CCDC102B: variants seen among roughly 807,000 people sequenced by gnomAD.
CCDC102B encodes coiled-coil domain containing 102B.
Under a neutral mutation model 57.4 loss-of-function variants are expected in CCDC102B, and 75 were observed. The observed-to-expected ratio is 1.31, with a 90% CI of 1.08 to 1.58. The LOEUF (loss-of-function observed/expected upper bound fraction) is 1.58. Among genes scored for constraint, CCDC102B ranks in the 40% most tolerant of loss-of-function variants. The pLI is 0.00. For missense variants in CCDC102B, 636 were observed against 582.6 expected (o/e 1.09, Z -0.94); for synonymous variants, 206 against 201.9 (o/e 1.02, Z -0.17).
chr18:69,004,180 G>A (rs146276881), intron 6 of CCDC102B, among the ~76,000 whole-genome samples: 101 of 152,246 alleles, frequency 6.6e-4, no homozygotes, highest in African/African-American at 2.4e-3. Context: ...GACAGCCAGG[G>A]ACACCAGATG....
In CCDC102B at chr18:69,010,939, A is replaced by T. The variant is rs758366864; in HGVS notation, c.1269A>T (p.Leu423Phe). 6.3e-7 allele frequency: 1 copy of T among 1,587,910 alleles called. No homozygotes were observed. The highest frequency in any genetic ancestry group is 8.6e-7 in the Non-Finnish European group (1 of 1,166,138). Residue 423 changes from leucine (L) to phenylalanine (F), a missense_variant, in exon 7 of 8, where the codon TTA (leucine) becomes TTT (phenylalanine). Transcript: ENST00000360242. ...QIDLQEKNQE[L>F]LNLQHAYYKL... ...TTTTTGTTTTCCTTTGAAAGGAATT[A>T]CTGAACCTTCAACATGCCTACTATA... is the stretch of plus-strand genomic sequence containing the variant.
At chr18:68,811,995 G>A (rs2036283917) in intron 1 of CCDC102B, among the ~76,000 whole-genome samples, 6 of 152,154 alleles carry the variant, frequency 3.9e-5, no homozygotes. Context: ...AAAAGTATAA[G>A]ATTCTCCTAC....
chr18:68,804,196 G>A (rs1348137911), intron 1 of CCDC102B, among the ~76,000 whole-genome samples: 1 of 152,178 alleles, frequency 6.6e-6, no homozygotes, highest in Non-Finnish European at 1.5e-5. Flanking sequence ...AGGAATCAAG[G>A]GTAACCCCTA....
intron 7 of CCDC102B, among the ~76,000 whole-genome samples, chr18:69,043,438 T>G (rs1010689954): frequency 1.3e-5 from 2 of 151,982 alleles, no homozygotes; most frequent in African/African-American, 4.8e-5. Context: ...GTCTTTCCCT[T>G]CCCACGAGAC....
intron 5 of CCDC102B, 87 bp downstream of exon 5, chr18:68,874,872 C>T (rs1423499291): frequency 1.0e-5 from 8 of 793,168 alleles, no homozygotes; most frequent in East Asian, 2.5e-5. Flanking sequence ...GGGTAACGGT[C>T]GTGCCTTTGG....
At chr18:69,000,395 A>T (rs1381003256) in intron 6 of CCDC102B, among the ~76,000 whole-genome samples, 1 of 152,160 alleles carries the variant, frequency 6.6e-6, no homozygotes, top group Non-Finnish European at 1.5e-5. Context: ...GTAAAACTAG[A>T]TCTGCATTTG....
intron 4 of CCDC102B, among the ~76,000 whole-genome samples, chr18:68,869,910 G>A (rs535372102): frequency 9.9e-5 from 15 of 152,180 alleles, no homozygotes; most frequent in African/African-American, 3.4e-4. Flanking sequence ...TAAGGTGTAA[G>A]GAAAGGGTCC....
intron 6 of CCDC102B, among the ~76,000 whole-genome samples, chr18:68,971,654 A>C (rs1483141159): frequency 6.6e-6 from 1 of 152,176 alleles, no homozygotes; most frequent in Non-Finnish European, 1.5e-5. Flanking sequence ...AAATGCACAG[A>C]GAAAATTGTG....
At chr18:69,014,974 A>AGTGTGT (rs1189382089) in intron 7 of CCDC102B, among the ~76,000 whole-genome samples, 63 of 116,708 alleles carry the variant, frequency 5.4e-4, no homozygotes, top group African/African-American at 1.7e-3. Context: ...AGAGAGAGAG[A>AGTGTGT]GAGAGTGTGT....
intron 5 of CCDC102B, among the ~76,000 whole-genome samples, chr18:68,892,136 T>C (rs1433374774): frequency 6.6e-6 from 1 of 152,206 alleles, no homozygotes; most frequent in East Asian, 1.9e-4. Flanking sequence ...ATAATTCCCT[T>C]AATATCAACT....
intron 6 of CCDC102B, among the ~76,000 whole-genome samples, chr18:68,901,702 T>C (rs890199901): frequency 1.3e-5 from 2 of 152,214 alleles, no homozygotes; most frequent in Non-Finnish European, 2.9e-5. Context: ...AGAGTGCCCC[T>C]ATCTTTCCAG....
intron 7 of CCDC102B, among the ~76,000 whole-genome samples, chr18:69,043,023 T>A (rs2052470351): frequency 6.6e-6 from 1 of 152,042 alleles, no homozygotes; most frequent in Non-Finnish European, 1.5e-5. Flanking sequence ...CCCTTAGTAT[T>A]TATTGATCAT....
At chr18:69,056,914 C>T (rs779450947), downstream of CCDC102B, among the ~76,000 whole-genome samples, 1 of 151,974 alleles carries the variant, frequency 6.6e-6, no homozygotes, top group Non-Finnish European at 1.5e-5. Flanking sequence ...CCCCATCTTT[C>T]CTCTTCTCAG....
chr18:68,879,375 G>T (rs888116393), intron 5 of CCDC102B, among the ~76,000 whole-genome samples: 1 of 152,086 alleles, frequency 6.6e-6, no homozygotes, highest in African/African-American at 2.4e-5. Flanking sequence ...AAGGGGACTC[G>T]AGCGGGTTGC....
intron 2 of CCDC102B, among the ~76,000 whole-genome samples, chr18:68,728,193 A>G (rs369948298): frequency 6.6e-6 from 1 of 152,178 alleles, no homozygotes; most frequent in East Asian, 1.9e-4. Flanking sequence ...CAAATTTCTT[A>G]TAAAAATAGA....
intron 5 of CCDC102B, among the ~76,000 whole-genome samples, chr18:68,878,543 A>G (rs1279263108): frequency 6.6e-6 from 1 of 152,098 alleles, no homozygotes. Context: ...TATGAGGGCA[A>G]TTAGAATTAG....
intron 7 of CCDC102B, among the ~76,000 whole-genome samples, chr18:69,016,891 C>A (rs997791159): frequency 6.6e-6 from 1 of 152,098 alleles, no homozygotes; most frequent in Non-Finnish European, 1.5e-5. Context: ...TTAACATTTA[C>A]AGTATATATT....
At chr18:68,798,669 C>T (rs1297286068) in intron 1 of CCDC102B, among the ~76,000 whole-genome samples, 28 of 151,956 alleles carry the variant, frequency 1.8e-4, no homozygotes, top group Non-Finnish European at 4.4e-5. Context: ...TTCTTGTATT[C>T]GTTAATGGAA....
At chr18:69,033,418 A>C (rs951458758) in intron 7 of CCDC102B, among the ~76,000 whole-genome samples, 3 of 152,142 alleles carry the variant, frequency 2.0e-5, no homozygotes, top group African/African-American at 7.2e-5. Flanking sequence ...CAAAAAGGAA[A>C]GCCTCTGCAC....
Sources: allele counts gnomAD v4.1 joint callset (sites outside exome capture counted in the v4.1 genomes callset), GRCh38; gene constraint gnomAD v4.1.1; transcripts MANE v1.5; gene names NCBI Gene and HGNC (gene_info 2026-07-23, HGNC 2026-07-21).